TXNDC16: variants seen among roughly 807,000 people sequenced by gnomAD.
TXNDC16 encodes thioredoxin domain-containing protein 16.
TXNDC16 carries 74 observed loss-of-function variants against 85.6 expected under a neutral mutation model. That is an observed-to-expected ratio of 0.86 (90% CI 0.72 to 1.05). The LOEUF (loss-of-function observed/expected upper bound fraction) is 1.05. Among genes scored for constraint, TXNDC16 ranks in the 50% least tolerant of loss-of-function variants. The pLI is 0.00. For synonymous variants in TXNDC16, 335 were observed against 326.5 expected, an observed-to-expected ratio of 1.03 and a Z score of -0.28; for missense variants, 959 against 947.0, an observed-to-expected ratio of 1.01 and a Z score of -0.17.
intron 20 of TXNDC16, 142 bp from the exon 21 acceptor site, chr14:52,432,729 A>AT (rs1449611141): frequency 1.3e-6 from 1 of 782,956 alleles, no homozygotes; most frequent in Non-Finnish European, 1.8e-6. Flanking sequence ...AAAGCTAGGA[A>AT]TTTTTTTACT....
chr14:52,460,091 C>T (rs2035619247), intron 16 of TXNDC16, among the ~76,000 whole-genome samples: 2 of 152,054 alleles, frequency 1.3e-5, no homozygotes, highest in Non-Finnish European at 2.9e-5. Flanking sequence ...AAAGAGCATC[C>T]AGGCTGGGCA....
intron 18 of TXNDC16, among the ~76,000 whole-genome samples, chr14:52,454,283 C>T (rs180830712): frequency 2.2e-4 from 33 of 150,434 alleles, no homozygotes; most frequent in South Asian, 1.1e-3. Context: ...CAAAATTATC[C>T]GATGTGGTGG....
Position 52,540,406 on chromosome 14 carries a change from C to T in TXNDC16, c.243+1965G>A, listed in dbSNP as rs555728409. Among the ~76,000 whole-genome samples, 13 of 152,238 alleles carry T rather than the reference C, an allele frequency of 8.5e-5. No individual in the cohort carries two copies. The South Asian group carries it at 2.7e-3, about 32-fold the overall frequency. On this transcript the variant is annotated intron_variant, in intron 4 of 20. Transcript: ENST00000281741. Reference sequence around the variant, plus strand: ...TTGGGAGGCTGAGGCAGGAGGAACACCCGAAGTCAGGAGTTTGAGACCAGC... The same window carrying T: ...TTGGGAGGCTGAGGCAGGAGGAACATCCGAAGTCAGGAGTTTGAGACCAGC...
chr14:52,496,159 C>CA (rs777475456), intron 9 of TXNDC16, among the ~76,000 whole-genome samples: 148 of 108,302 alleles, frequency 1.4e-3, no homozygotes, highest in South Asian at 1.8e-3. Flanking sequence ...GACTCCATCT[C>CA]AAAAAAAAAA....
rs1355987698 is a variant in TXNDC16 at position 52,440,588 on chromosome 14, G to A, written c.1979C>T (p.Ser660Leu). 1.2e-6 allele frequency: 2 copies of A among 1,605,028 alleles called. No individual in the cohort carries two copies. The highest frequency in any genetic ancestry group is 1.7e-5 in the Admixed American group (1 of 58,200). Residue 660 changes from serine to leucine, a missense_variant, in exon 19 of 21, where the codon TCA becomes TTA. Coordinates refer to ENST00000281741, the MANE Select transcript of TXNDC16 (RefSeq NM_020784.3). ...CAGATTTAACCAGCATGGAGTAAATGAATCCAAGTATTTCTGCTTTACCAG... is the reference window on the plus strand; with the variant it reads ...CAGATTTAACCAGCATGGAGTAAATAAATCCAAGTATTTCTGCTTTACCAG... ...LTLVKQKYLD[S>L]FTPCWLNLKN...
At chr14:52,454,669 A>G (rs1352044980) in intron 18 of TXNDC16, among the ~76,000 whole-genome samples, 1 of 149,482 alleles carries the variant, frequency 6.7e-6, no homozygotes, top group African/African-American at 2.4e-5. Flanking sequence ...AAAAAAAAAA[A>G]GCCAGGTGTA....
At chr14:52,471,901 C>T (rs1241513390) in intron 14 of TXNDC16, among the ~76,000 whole-genome samples, 2 of 149,882 alleles carry the variant, frequency 1.3e-5, no homozygotes, top group African/African-American at 4.9e-5. Flanking sequence ...ATAAAATAAG[C>T]ACCATACAAC....
chr14:52,510,172 A>C (rs1201952432), intron 9 of TXNDC16, among the ~76,000 whole-genome samples: 1 of 152,186 alleles, frequency 6.6e-6, no homozygotes, highest in South Asian at 2.1e-4. Flanking sequence ...ACAAATCAGA[A>C]GGGCAAGGGA....
intron 15 of TXNDC16, 63 bp from the exon 16 acceptor site, chr14:52,470,236 A>C: frequency 7.8e-7 from 1 of 1,278,428 alleles, no homozygotes; most frequent in South Asian, 1.5e-5. Context: ...TTGTAAAAAA[A>C]AAGCATACTA....
At chr14:52,522,140 T>C (rs1273718965) in intron 6 of TXNDC16, among the ~76,000 whole-genome samples, 3 of 152,224 alleles carry the variant, frequency 2.0e-5, no homozygotes, top group Non-Finnish European at 4.4e-5. Flanking sequence ...ACCATGTAAA[T>C]TCTAGGCTTG....
At chr14:52,478,469 G>A (rs1427513201) in intron 14 of TXNDC16, among the ~76,000 whole-genome samples, 1 of 152,030 alleles carries the variant, frequency 6.6e-6, no homozygotes, top group Non-Finnish European at 1.5e-5. Context: ...ATCCAAATAA[G>A]CTCTATTAGA....
intron 4 of TXNDC16, among the ~76,000 whole-genome samples, chr14:52,540,523 G>C (rs934756294): frequency 6.6e-6 from 1 of 152,106 alleles, no homozygotes; most frequent in East Asian, 1.9e-4. Flanking sequence ...TACTTGGGAG[G>C]CTGAGACAGG....
chr14:52,439,527 A>C (rs1359253999), intron 19 of TXNDC16, 133 bp from the exon 20 acceptor site: 7 of 774,980 alleles, frequency 9.0e-6, no homozygotes, highest in Non-Finnish European at 1.4e-5. Flanking sequence ...ATGTCCTAAA[A>C]ACCAAGAAGT....
At chr14:52,505,500 G>A (rs966227935) in intron 9 of TXNDC16, among the ~76,000 whole-genome samples, 1 of 152,172 alleles carries the variant, frequency 6.6e-6, no homozygotes, top group African/African-American at 2.4e-5. Context: ...CAGAAATAAA[G>A]ATGTCTTTGA....
intron 1 of TXNDC16, among the ~76,000 whole-genome samples, chr14:52,549,165 G>A (rs370254950): frequency 5.2e-4 from 79 of 152,198 alleles, no homozygotes; most frequent in Non-Finnish European, 9.1e-4. Flanking sequence ...TTTGGGCTGC[G>A]AGAGGCCCTC....
intron 6 of TXNDC16, among the ~76,000 whole-genome samples, chr14:52,531,616 T>C (rs2037582530): frequency 6.6e-6 from 1 of 152,020 alleles, no homozygotes; most frequent in South Asian, 2.1e-4. Flanking sequence ...AAGACAAAAC[T>C]ACAAAGATAG....
chr14:52,462,756 T>C (rs919054250), intron 16 of TXNDC16: 4 of 355,178 alleles, frequency 1.1e-5, no homozygotes, highest in African/African-American at 8.6e-5. Flanking sequence ...TTTTTAAATG[T>C]ACTTCTAAAG....
intron 4 of TXNDC16, among the ~76,000 whole-genome samples, chr14:52,538,836 G>A (rs2037763868): frequency 6.6e-6 from 1 of 152,080 alleles, no homozygotes; most frequent in African/African-American, 2.4e-5. Flanking sequence ...GAAGAACTGG[G>A]GAAGCAACGT....
intron 6 of TXNDC16, among the ~76,000 whole-genome samples, chr14:52,533,343 A>G (rs1341582588): frequency 6.6e-6 from 1 of 152,142 alleles, no homozygotes; most frequent in Non-Finnish European, 1.5e-5. Context: ...AACCATTACC[A>G]AGTCCAGCTA....
Sources: gnomAD v4.1 joint callset for allele counts (sites outside exome capture counted in the v4.1 genomes callset) on GRCh38, gnomAD v4.1.1 for gene constraint, MANE v1.5 for transcripts, NCBI Gene and HGNC (gene_info 2026-07-23, HGNC 2026-07-21) for gene names.